Variants in IRAK4 observed in about 807,000 individuals in gnomAD.
The protein encoded by IRAK4 is interleukin 1 receptor associated kinase 4.
A neutral mutation model predicts 51.8 loss-of-function variants in IRAK4; 44 were observed. The observed-to-expected ratio is 0.85, with a 90% confidence interval of 0.67 to 1.09. The LOEUF (loss-of-function observed/expected upper bound fraction) is 1.09, where lower values mean the gene tolerates loss of function less well. IRAK4 is among the 50% of genes least tolerant of loss of function. The pLI is 0.00. For synonymous variants in IRAK4, 149 were observed against 174.1 expected (o/e 0.86, Z 1.13); for missense variants, 487 against 538.0 (o/e 0.91, Z 0.94).
At chr12:43,774,851 T>G (rs964165242) in intron 6 of IRAK4, among the ~76,000 whole-genome samples, 1 of 152,242 alleles carries the variant, frequency 6.6e-6, no homozygotes, top group Non-Finnish European at 1.5e-5. Flanking sequence ...TAGTGATTGA[T>G]ATTTGAGTGT....
Position 43,771,382 on chromosome 12 carries a change from C to G in IRAK4, c.307+17C>G. 6.2e-7 allele frequency: 1 copy of G among 1,613,580 alleles called. No homozygotes were observed. Among genetic ancestry groups the G allele is most frequent in the Non-Finnish European group, 8.5e-7 (1 of 1,179,564 alleles). On this transcript the variant is annotated intron_variant, in intron 3 of 11. Coordinates refer to ENST00000613694, the MANE Select transcript of IRAK4 (RefSeq NM_016123.4). ...TGCTCCCAGGTAAACTGATTGTGAC[C>G]AGGGTGTCCACAATTAGGGTGGAAA...
chr12:43,784,367 A>T (rs146832901), intron 10 of IRAK4, among the ~76,000 whole-genome samples: 1 of 152,248 alleles, frequency 6.6e-6, no homozygotes, highest in South Asian at 2.1e-4. Flanking sequence ...TAATTCTGAC[A>T]CTACATTCCT....
At chr12:43,773,223 A>T (rs998427741) in intron 5 of IRAK4, 151 bp downstream of exon 5, 1 of 766,484 alleles carries the variant, frequency 1.3e-6, no homozygotes, top group Non-Finnish European at 2.1e-6. Context: ...AAAATTTTAA[A>T]ATCTGTTGAA....
intron 6 of IRAK4, among the ~76,000 whole-genome samples, chr12:43,774,314 G>A (rs778527013): frequency 1.3e-4 from 19 of 151,944 alleles, no homozygotes; most frequent in Non-Finnish European, 2.1e-4. Context: ...GCATGATCTC[G>A]GCTCACTGCA....
In IRAK4 at chr12:43,782,363, C is replaced by T. The variant is rs1157797856; in HGVS notation, c.998C>T (p.Ala333Val). ...GCTAAAATATCTGACTTTGGCCTTG[C>T]ACGGGCTTCTGAGAAGTTTGCCCAG... Reference protein sequence around the residue: ...FTAKISDFGLARASEKFAQTV... With the variant: ...FTAKISDFGLVRASEKFAQTV... Residue 333 changes from alanine (A) to valine (V), a missense_variant, in exon 9 of 12, where the codon GCA (alanine) becomes GTA (valine). Coordinates refer to ENST00000613694, the MANE Select transcript of IRAK4 (RefSeq NM_016123.4). 6.2e-7 allele frequency: 1 copy of T among 1,613,604 alleles called. No homozygotes were observed. Among genetic ancestry groups the T allele is most frequent in the Admixed American group, 1.7e-5 (1 of 60,022 alleles).
At chr12:43,770,915 G>T in intron 2 of IRAK4, 1 of 533,730 alleles carries the variant, frequency 1.9e-6, no homozygotes, top group Non-Finnish European at 3.5e-6. Flanking sequence ...AGTTATCTAG[G>T]GAGTGGGTTT....
At chr12:43,779,930 G>A (rs966372166) in intron 8 of IRAK4, among the ~76,000 whole-genome samples, 1 of 152,120 alleles carries the variant, frequency 6.6e-6, no homozygotes, top group African/African-American at 2.4e-5. Context: ...GAGGGGAGAT[G>A]TAGATTAAGA....
intron 1 of IRAK4, among the ~76,000 whole-genome samples, chr12:43,761,750 A>C (rs1939582561): frequency 6.6e-6 from 1 of 152,200 alleles, no homozygotes; most frequent in Admixed American, 6.5e-5. Flanking sequence ...ATTTGACAAG[A>C]ATCTTTTGCC....
intron 1 of IRAK4, among the ~76,000 whole-genome samples, chr12:43,766,815 G>A (rs1940198413): frequency 6.6e-6 from 1 of 152,106 alleles, no homozygotes; most frequent in Non-Finnish European, 1.5e-5. Flanking sequence ...CAAGTCACTA[G>A]GTGTATATTC....
chr12:43,787,657 A>T lies in IRAK4; in HGVS notation c.*942A>T, dbSNP rs1419917101. 1 of 152,248 alleles carries T rather than the reference A, an allele frequency of 6.6e-6. No individual in the cohort carries two copies. The highest frequency in any genetic ancestry group is 1.5e-5 in the Non-Finnish European group (1 of 68,076). 9.4% of individuals were successfully genotyped at this position (152,248 alleles called of 1,614,324 possible). ...AGAAGAGTACTCCAAGCTTCAGATG[A>T]TAACCACAGCCTGGGCTGACACCTG... On this transcript the variant is annotated 3_prime_UTR_variant, in exon 12 of 12. Coordinates refer to ENST00000613694, the MANE Select transcript of IRAK4 (RefSeq NM_016123.4).
At chr12:43,784,493 A>G (rs905507139) in intron 10 of IRAK4, among the ~76,000 whole-genome samples, 3 of 152,188 alleles carry the variant, frequency 2.0e-5, no homozygotes, top group Non-Finnish European at 2.9e-5. Context: ...ACTGCCTTCA[A>G]GTTGGAGTTC....
intron 1 of IRAK4, chr12:43,763,457 G>A (rs1040280715): frequency 1.3e-5 from 2 of 152,064 alleles, no homozygotes; most frequent in East Asian, 1.9e-4. Flanking sequence ...TGAGGAAAAG[G>A]TAATTATTTT....
At chr12:43,772,837 C>A in intron 4 of IRAK4, 75 bp from the exon 5 acceptor site, 1 of 1,092,846 alleles carries the variant, frequency 9.2e-7, no homozygotes, top group Non-Finnish European at 1.3e-6. Context: ...TATGTGAAAT[C>A]TTCAAATGAG....
rs1459545011 is a variant in IRAK4, at chr12:43,789,489, A to C, written c.*2774A>C. The C allele has an allele frequency of 6.6e-6, 1 of 152,160 alleles. No homozygotes were observed. Among genetic ancestry groups the C allele is most frequent in the Non-Finnish European group, 1.5e-5 (1 of 68,022 alleles). The allele number at this position is 152,160 out of a possible 1,614,324, so 9.4% of individuals were successfully genotyped here. A position where few individuals can be genotyped will look rare whatever the true frequency, so the allele number is the denominator to read the frequency against. ...TGATGCAAAACGGGCTAACTATATA[A>C]ATTTGTAATTTTTAAGTTATAGATT... On this transcript the variant is annotated 3_prime_UTR_variant, in exon 12 of 12. Coordinates refer to ENST00000613694, the MANE Select transcript of IRAK4 (RefSeq NM_016123.4).
intron 6 of IRAK4, among the ~76,000 whole-genome samples, chr12:43,775,916 C>T (rs528787172): frequency 4.3e-4 from 51 of 118,490 alleles, no homozygotes; most frequent in African/African-American, 1.5e-3. Flanking sequence ...GAATCTCGCT[C>T]TGTTGCCCAG....
intron 9 of IRAK4, among the ~76,000 whole-genome samples, chr12:43,782,789 A>G (rs1941894442): frequency 6.6e-6 from 1 of 152,176 alleles, no homozygotes; most frequent in Non-Finnish European, 1.5e-5. Context: ...TTAGTCTCAC[A>G]TTTTTTGACA....
Position 43,767,872 on chromosome 12 carries a change from A to G in IRAK4, c.-9-231A>G, listed in dbSNP as rs77296020. 8.3e-3 allele frequency among the ~76,000 whole-genome samples: 1,269 copies of G among 152,290 alleles called. 17 individuals are homozygous for G. The highest frequency in any genetic ancestry group is 0.062 in the East Asian group (321 of 5,186). On this transcript the variant is annotated intron_variant, in intron 1 of 11. Coordinates refer to ENST00000613694, the MANE Select transcript of IRAK4 (RefSeq NM_016123.4). ...GTCAGAAAAAAGTCCTCCGATTTTT[A>G]TTGCTATTAATGGGTGGAAAAAGGA... is the stretch of plus-strand genomic sequence containing the variant.
chr12:43,772,857 T>G, intron 4 of IRAK4, 55 bp from the exon 5 acceptor site: 1 of 1,280,578 alleles, frequency 7.8e-7, no homozygotes. Flanking sequence ...GAAAATATTA[T>G]AATTATTAAA....
chr12:43,776,112 G>A (rs1484465248), intron 6 of IRAK4, among the ~76,000 whole-genome samples: 2 of 151,772 alleles, frequency 1.3e-5, no homozygotes, highest in Non-Finnish European at 2.9e-5. Context: ...GTTTAGATCT[G>A]ACGTCGTGAT....
Sources: allele counts gnomAD v4.1 joint callset (sites outside exome capture counted in the v4.1 genomes callset), GRCh38; gene constraint gnomAD v4.1.1; transcripts MANE v1.5; gene names NCBI Gene and HGNC (gene_info 2026-07-23, HGNC 2026-07-21).